JARID2: variants seen among roughly 807,000 people sequenced by gnomAD.
JARID2 encodes the protein jumonji and AT-rich interaction domain containing 2, also known as protein Jumonji.
Under a neutral mutation model 125.6 loss-of-function variants are expected in JARID2, and 21 were observed. The observed-to-expected ratio is 0.17, with a 90% CI of 0.12 to 0.24. JARID2 has a LOEUF of 0.24. Ranked by LOEUF, JARID2 falls within the 10% of genes least tolerant of loss-of-function variation. The pLI, the probability that JARID2 is intolerant of heterozygous loss-of-function variation, is 1.00. For synonymous variants in JARID2, 736 were observed against 661.6 expected (o/e 1.11, Z -1.73); for missense variants, 1,303 against 1,639.6 (o/e 0.79, Z 3.55).
intron 1 of JARID2, among the ~76,000 whole-genome samples, chr6:15,290,038 T>C (rs1264315484): frequency 6.6e-6 from 1 of 152,220 alleles, no homozygotes; most frequent in African/African-American, 2.4e-5. Context: ...AATGCACCCA[T>C]TTCAAGCATA....
chr6:15,478,846 T>C (rs1251737511), intron 5 of JARID2, among the ~76,000 whole-genome samples: 4 of 151,974 alleles, frequency 2.6e-5, no homozygotes, highest in Non-Finnish European at 4.4e-5. Context: ...ATTTTTCTAC[T>C]TTTAGTAGAG....
In JARID2 at chr6:15,496,493, G is replaced by C. The variant is rs762435222; in HGVS notation, c.1268G>C (p.Gly423Ala). 92 of 1,609,746 alleles carry C rather than the reference G, an allele frequency of 5.7e-5. No individual in the cohort carries two copies. The highest frequency in any genetic ancestry group is 1.5e-4 in the Admixed American group (9 of 59,772). ...CCAAAGTCATGCACTAAGGAGGTGG[G>C]GGGGCGGCAGCTGCGGGAGGGCCTG... ...LNPKSCTKEV[G>A]GRQLREGLQL... Residue 423 changes from glycine (G) to alanine (A), a missense_variant, in exon 7 of 18, where the codon GGG becomes GCG. Transcript: ENST00000341776.
At chr6:15,263,354 G>A (rs1308633630) in intron 1 of JARID2, among the ~76,000 whole-genome samples, 2 of 152,052 alleles carry the variant, frequency 1.3e-5, no homozygotes, top group South Asian at 2.1e-4. Context: ...ACTATGGGGA[G>A]TAGAATGACC....
At chr6:15,257,735 T>C (rs1470329393) in intron 1 of JARID2, among the ~76,000 whole-genome samples, 1 of 152,230 alleles carries the variant, frequency 6.6e-6, no homozygotes. Flanking sequence ...TAGTACACGT[T>C]AGGCCAGCGG....
At position 15,415,647 on chromosome 6, in the gene JARID2, A is replaced by AC. The variant is rs538253633; in HGVS notation, c.323+5290dup. Among the ~76,000 whole-genome samples the AC allele has an allele frequency of 8.0e-3, 713 of 89,316 alleles. 1 individual carries two copies. The highest frequency in any genetic ancestry group is 0.014 in the African/African-American group (288 of 19,962). 58.6% of individuals were successfully genotyped at this position (89,316 alleles called of 152,430 possible). A position where few individuals can be genotyped will look rare whatever the true frequency, so the allele number is the denominator to read the frequency against. ...GGGCGGCTGGCCGGGCGGGGGGCTG[A>AC]CCCCCCCCACCTCCCTCCCGGACGG... On this transcript the variant is annotated intron_variant, in intron 3 of 17. Coordinates refer to ENST00000341776, the MANE Select transcript of JARID2 (RefSeq NM_004973.4).
chr6:15,258,571 C>G (rs1759754517), intron 1 of JARID2, among the ~76,000 whole-genome samples: 1 of 152,192 alleles, frequency 6.6e-6, no homozygotes, highest in African/African-American at 2.4e-5. Flanking sequence ...ATCACAAGGT[C>G]AGGAGTTTGA....
chr6:15,410,137 C>A (rs1765816456), intron 2 of JARID2, 87 bp from the exon 3 acceptor site: 2 of 1,224,260 alleles, frequency 1.6e-6, no homozygotes, highest in Non-Finnish European at 2.3e-6. Flanking sequence ...TGTCTGTCTT[C>A]ATCAGCGTTG....
intron 4 of JARID2, among the ~76,000 whole-genome samples, chr6:15,463,691 C>G (rs760480532): frequency 6.6e-6 from 1 of 152,176 alleles, no homozygotes; most frequent in East Asian, 1.9e-4. Context: ...CTTGACCTCC[C>G]AAAGTGCTGG....
chr6:15,344,861 A>G (rs1763194597), intron 1 of JARID2, among the ~76,000 whole-genome samples: 1 of 152,174 alleles, frequency 6.6e-6, no homozygotes, highest in Admixed American at 6.5e-5. Flanking sequence ...AAAAATATCA[A>G]AAAACGTTTT....
intron 1 of JARID2, among the ~76,000 whole-genome samples, chr6:15,357,673 T>C (rs947861948): frequency 2.0e-5 from 3 of 152,174 alleles, no homozygotes; most frequent in Non-Finnish European, 4.4e-5. Flanking sequence ...ATAATCAAAA[T>C]ATAGAAAAAT....
chr6:15,382,515 C>T (rs1346111440), intron 2 of JARID2, among the ~76,000 whole-genome samples: 2 of 152,124 alleles, frequency 1.3e-5, no homozygotes, highest in African/African-American at 4.8e-5. Flanking sequence ...TTTCCGTGGC[C>T]AAGTCACTTG....
intron 1 of JARID2, among the ~76,000 whole-genome samples, chr6:15,271,827 C>T (rs1760308250): frequency 6.6e-6 from 1 of 152,156 alleles, no homozygotes; most frequent in Admixed American, 6.5e-5. Flanking sequence ...TGGTGAAACC[C>T]CATCTATACT....
In JARID2 at chr6:15,457,648, T is replaced by C. The variant is rs1768248946; in HGVS notation, c.493+5473T>C. Among the ~76,000 whole-genome samples the C allele has an allele frequency of 4.0e-5, 6 of 151,696 alleles. No homozygotes were observed. The South Asian group carries it at 1.3e-3, about 32-fold the overall frequency. On this transcript the variant is annotated intron_variant, in intron 4 of 17. Coordinates refer to ENST00000341776, the MANE Select transcript of JARID2 (RefSeq NM_004973.4). ...TTCTCCAGTCCTCAATTATTACCTTTAATATTCTCGGCACTTCTTTGGGAT... is the reference window on the plus strand; with the variant it reads ...TTCTCCAGTCCTCAATTATTACCTTCAATATTCTCGGCACTTCTTTGGGAT...
At chr6:15,505,052 A>G (rs1386932737) in intron 9 of JARID2, 1 of 162,264 alleles carries the variant, frequency 6.2e-6, no homozygotes, top group African/African-American at 2.4e-5. Context: ...TTGAGTTAGT[A>G]TGAGGTTGGA....
chr6:15,255,680 G>T (rs62397311), intron 1 of JARID2, among the ~76,000 whole-genome samples: 4,929 of 152,284 alleles, frequency 0.032, 119 homozygotes, highest in Admixed American at 0.08. Flanking sequence ...AGTGTTTGGT[G>T]CCTGTGGGGG....
rs557192813 is a variant in JARID2 at position 15,509,062 on chromosome 6, T to G, written c.2846+608T>G. 7.0e-4 allele frequency: 907 copies of G among 1,289,368 alleles called. 22 individuals carry two copies. In the South Asian group the frequency reaches 0.01, roughly 15 times the overall value. The allele number at this position is 1,289,368 out of a possible 1,614,324, so 79.9% of individuals were successfully genotyped here. ...CTGCCATGTGGAGACACGCGCGTTATGTACCCTGTGGAGTCTGTTGCCTGG... is the reference window on the plus strand; with the variant it reads ...CTGCCATGTGGAGACACGCGCGTTAGGTACCCTGTGGAGTCTGTTGCCTGG... On this transcript the variant is annotated intron_variant, in intron 12 of 17. Transcript: ENST00000341776.
chr6:15,446,967 C>G (rs1351165135), intron 3 of JARID2, among the ~76,000 whole-genome samples: 1 of 152,194 alleles, frequency 6.6e-6, no homozygotes, highest in Non-Finnish European at 1.5e-5. Context: ...TCACCCTTCT[C>G]CTAGTTACTC....
intron 1 of JARID2, among the ~76,000 whole-genome samples, chr6:15,315,368 A>G (rs1762144510): frequency 6.6e-6 from 1 of 152,182 alleles, no homozygotes; most frequent in Admixed American, 6.5e-5. Context: ...TTAATTACGA[A>G]GGTTGATGCC....
intron 1 of JARID2, among the ~76,000 whole-genome samples, chr6:15,306,328 C>CTTTTTTTT (rs398000594): frequency 1.8e-4 from 18 of 99,252 alleles, no homozygotes; most frequent in African/African-American, 3.8e-4. Context: ...AGTCATATTT[C>CTTTTTTTT]TTTTTTTTTT....
Sources: gnomAD v4.1 joint callset for allele counts (sites outside exome capture counted in the v4.1 genomes callset) on GRCh38, gnomAD v4.1.1 for gene constraint, MANE v1.5 for transcripts, NCBI Gene and HGNC (gene_info 2026-07-23, HGNC 2026-07-21) for gene names.